The following TAB1 variants were observed in gnomAD, a reference collection of about 807,000 sequenced individuals.
TAB1 encodes the protein TGF-beta-activated kinase 1 and MAP3K7-binding protein 1.
TAB1 carries 30 observed loss-of-function variants against 54.5 expected under a neutral mutation model. The observed-to-expected ratio is 0.55, with a 90% CI of 0.41 to 0.75. The LOEUF (loss-of-function observed/expected upper bound fraction) is 0.75, where lower values mean the gene tolerates loss of function less well. TAB1 is among the 30% of genes least tolerant of loss of function. TAB1 has a pLI of 0.00. For missense variants in TAB1, 609 were observed against 683.2 expected (o/e 0.89, Z 1.21); for synonymous variants, 289 against 286.9 (o/e 1.01, Z -0.07).
At chr22:39,436,986 C>T (rs139227623), downstream of TAB1, 304 of 169,882 alleles carry the variant, frequency 1.8e-3, 2 homozygotes, top group African/African-American at 6.9e-3. Context: ...AGGTGTGGCC[C>T]GAGATGTGGG....
intron 1 of TAB1, among the ~76,000 whole-genome samples, chr22:39,411,971 G>A (rs1459845696): frequency 6.6e-6 from 1 of 152,184 alleles, no homozygotes. Flanking sequence ...AGTGAAAGAA[G>A]CCAGTCTCAG....
At chr22:39,411,617 A>C (rs532083647) in intron 1 of TAB1, among the ~76,000 whole-genome samples, 2 of 152,320 alleles carry the variant, frequency 1.3e-5, no homozygotes, top group African/African-American at 4.8e-5. Flanking sequence ...AGCAGCCGGA[A>C]CTCAACATTG....
chr22:39,420,888 G>C (rs1474810020), intron 7 of TAB1, among the ~76,000 whole-genome samples: 1 of 131,046 alleles, frequency 7.6e-6, no homozygotes, highest in Non-Finnish European at 1.6e-5. Flanking sequence ...CTCTCTGTGT[G>C]TGTGTGTGTG....
rs906610566 is a variant in TAB1 at position 39,425,310 on chromosome 22, G to C, written c.922-1393G>C. ...GAGGCGGGAGAATTCTTGAACCTGG[G>C]AGATGGAACTTGCAGTGAGCTGAGA... is the stretch of plus-strand genomic sequence containing the variant. On this transcript the variant is annotated intron_variant, in intron 8 of 10. Coordinates refer to ENST00000216160, the MANE Select transcript of TAB1 (RefSeq NM_006116.3). 2.0e-5 allele frequency among the ~76,000 whole-genome samples: 3 copies of C among 151,898 alleles called. No individual in the cohort carries two copies. In the East Asian group the frequency reaches 5.8e-4, roughly 29 times the overall value.
rs1926927090 is a variant in TAB1 at position 39,418,331 on chromosome 22, GAA to G, written c.551-400_551-399del. Among the ~76,000 whole-genome samples, 4 of 152,214 alleles carry G rather than the reference GAA, an allele frequency of 2.6e-5. No individual in the cohort carries two copies. The South Asian group carries it at 8.3e-4, about 32-fold the overall frequency. On this transcript the variant is annotated intron_variant, in intron 5 of 10. Transcript: ENST00000216160. ...CCAGTGGAAAATTTTCCACAATATAGAACAATAGAGTGACTGATATTTAATGA... is the reference window on the plus strand; with the variant it reads ...CCAGTGGAAAATTTTCCACAATATAGCAATAGAGTGACTGATATTTAATGA...
At chr22:39,432,658 G>A (rs1464583118), downstream of TAB1, 5 of 723,176 alleles carry the variant, frequency 6.9e-6, no homozygotes, top group Non-Finnish European at 8.5e-6. Flanking sequence ...GAGAGAGAGA[G>A]ACATGGTGAG....
rs753390200 is a variant in TAB1 at position 39,417,859 on chromosome 22, C to T, written c.550+10C>T. 2.4e-5 allele frequency: 38 copies of T among 1,597,728 alleles called. 1 individual carries two copies. The highest frequency in any genetic ancestry group is 2.6e-6 in the Non-Finnish European group (3 of 1,172,186). ...TACGTCGCCAATGTCGGTGAGCCCC[C>T]TCCTGTCCCAGGGCAGGGAGGACTG... On this transcript the variant is annotated intron_variant, in intron 5 of 10. Coordinates refer to ENST00000216160, the MANE Select transcript of TAB1 (RefSeq NM_006116.3).
chr22:39,419,458 CCTT>C (rs1283004287), intron 6 of TAB1, 58 bp from the exon 7 acceptor site: 1 of 1,381,012 alleles, frequency 7.2e-7, no homozygotes, highest in African/African-American at 1.4e-5. Context: ...GTCTCTGTCC[CCTT>C]CTTTTTGTTC....
chr22:39,436,327 G>A (rs1048593445), downstream of TAB1, among the ~76,000 whole-genome samples: 1 of 152,070 alleles, frequency 6.6e-6, no homozygotes, highest in African/African-American at 2.4e-5. Context: ...TTCTAACTAC[G>A]TTCCAGGTAT....
At chr22:39,417,553 G>A (rs1044376677) in intron 4 of TAB1, among the ~76,000 whole-genome samples, 158 bp from the exon 5 acceptor site, 4 of 151,866 alleles carry the variant, frequency 2.6e-5, no homozygotes, top group Non-Finnish European at 2.9e-5. Context: ...CCTGGGAGGC[G>A]GAGCTTGTAG....
At position 39,417,816 on chromosome 22, in the gene TAB1, C is replaced by T; in HGVS notation, c.517C>T (p.Leu173Phe). 1 of 1,612,560 alleles carries T rather than the reference C, an allele frequency of 6.2e-7. No homozygotes were observed. The highest frequency in any genetic ancestry group is 1.1e-5 in the South Asian group (1 of 90,754). The change falls in exon 5 of 11, where the codon CTT becomes TTT. Residue 173 changes from leucine (L) to phenylalanine (F), a missense_variant. Physicochemically the swap from Leu to Phe is conservative, Grantham distance 22. Coordinates refer to ENST00000216160, the MANE Select transcript of TAB1 (RefSeq NM_006116.3). Reference sequence around the variant, plus strand: ...AGGGGCCATGGCCGTTGTGGCGGTCCTTCTCAACAACAAGCTCTACGTCGC... The same window carrying T: ...AGGGGCCATGGCCGTTGTGGCGGTCTTTCTCAACAACAAGCTCTACGTCGC... ...SGGAMAVVAV[L>F]LNNKLYVANV... is the part of the protein sequence containing the mutation.
downstream of TAB1, among the ~76,000 whole-genome samples, chr22:39,434,325 G>A (rs566794422): frequency 2.6e-5 from 4 of 152,368 alleles, no homozygotes; most frequent in African/African-American, 9.6e-5. Context: ...GTACCGGGTC[G>A]ATGCTACCTG....
intron 1 of TAB1, among the ~76,000 whole-genome samples, chr22:39,412,162 C>T (rs1487988427): frequency 1.3e-5 from 2 of 152,154 alleles, no homozygotes; most frequent in African/African-American, 4.8e-5. Context: ...GCCTCAGCCT[C>T]TTGAGTAGCT....
At chr22:39,403,883 A>G (rs981566344) in intron 1 of TAB1, among the ~76,000 whole-genome samples, 6 of 151,722 alleles carry the variant, frequency 4.0e-5, no homozygotes, top group African/African-American at 1.5e-4. Flanking sequence ...TGACCTCGTG[A>G]TCTGCCAGCC....
Position 39,426,891 on chromosome 22 carries a change from C to A in TAB1, c.1110C>A (p.Gly370=). ...TGAGGAACTTTGGCTACCCGCTGGG[C>A]GAAATGAGCCAGCCCACACCGAGCC... ...LLVRNFGYPL[G]EMSQPTPSPA... Residue 370 remains glycine, a synonymous_variant, in exon 9 of 11, where the codon GGC becomes GGA. Coordinates refer to ENST00000216160, the MANE Select transcript of TAB1 (RefSeq NM_006116.3). The A allele has an allele frequency of 5.0e-6, 8 of 1,612,462 alleles. No homozygotes were observed. Among genetic ancestry groups the A allele is most frequent in the Non-Finnish European group, 6.8e-6 (8 of 1,179,890 alleles).
chr22:39,431,285 G>C lies in TAB1; in HGVS notation c.*1063G>C. ...ATTTCCCACATGTTCTCTGCCTTCA[G>C]TGGGGAGGGGGTGCCACCAGGGCTG... On this transcript the variant is annotated 3_prime_UTR_variant, in exon 11 of 11. Coordinates refer to ENST00000216160, the MANE Select transcript of TAB1 (RefSeq NM_006116.3). 2.0e-6 allele frequency: 2 copies of C among 985,644 alleles called. No homozygotes were observed. The highest frequency in any genetic ancestry group is 9.4e-5 in the South Asian group (2 of 21,294). 61.1% of individuals were successfully genotyped at this position (985,644 alleles called of 1,614,324 possible).
At chr22:39,420,293 G>A (rs1371924923) in intron 7 of TAB1, among the ~76,000 whole-genome samples, 2 of 152,236 alleles carry the variant, frequency 1.3e-5, no homozygotes, top group Non-Finnish European at 2.9e-5. Flanking sequence ...AGGAAACTGA[G>A]GCATGGAGAC....
At chr22:39,424,966 C>T (rs543659123) in intron 8 of TAB1, among the ~76,000 whole-genome samples, 32 of 152,068 alleles carry the variant, frequency 2.1e-4, no homozygotes, top group Non-Finnish European at 2.9e-4. Flanking sequence ...CCTCCTGCCC[C>T]GCCCAAAAGA....
chr22:39,411,506 G>A (rs745986036), intron 1 of TAB1, among the ~76,000 whole-genome samples: 69 of 152,192 alleles, frequency 4.5e-4, no homozygotes, highest in Non-Finnish European at 7.5e-4. Flanking sequence ...GTCGTTAGCC[G>A]TTAGGAAGTG....
Sources: gnomAD v4.1 joint callset for allele counts (sites outside exome capture counted in the v4.1 genomes callset) on GRCh38, gnomAD v4.1.1 for gene constraint, MANE v1.5 for transcripts, NCBI Gene and HGNC (gene_info 2026-07-23, HGNC 2026-07-21) for gene names.